ZC2HC1B: variants seen among roughly 807,000 people sequenced by gnomAD.
The protein encoded by ZC2HC1B is zinc finger C2HC-type containing 1B, also known as zinc finger C2HC domain-containing protein 1B.
In ZC2HC1B, 36 loss-of-function variants were observed where a neutral mutation model predicts 31.0. The observed-to-expected ratio is 1.16, with a 90% CI of 0.89 to 1.54. The LOEUF is 1.54. Among genes scored for constraint, ZC2HC1B ranks in the 40% most tolerant of loss-of-function variants. ZC2HC1B has a pLI of 0.00. For missense variants in ZC2HC1B, 260 were observed against 268.6 expected (o/e 0.97, Z 0.22); for synonymous variants, 73 against 88.0 (o/e 0.83, Z 0.95).
At chr6:143,876,158 C>G (rs1444657154) in intron 1 of ZC2HC1B, among the ~76,000 whole-genome samples, 2 of 150,616 alleles carry the variant, frequency 1.3e-5, no homozygotes, top group Non-Finnish European at 3.0e-5. Flanking sequence ...GGAGATAAGA[C>G]TCTCACTCAG....
chr6:143,884,215 AAGC>A lies in ZC2HC1B; in HGVS notation c.29-88_29-86del. ...GGAGGGAAAAGAGAGTGAGGATATC[AAGC>A]TATTGAGGTCACCTCCAGTCAGTCA... On this transcript the variant is annotated intron_variant, in intron 1 of 7. Coordinates refer to ENST00000237275, the MANE Select transcript of ZC2HC1B (RefSeq NM_001013623.3). This position sits in a 1 kb window ranked among gnomAD's most constrained non-coding sequence, Gnocchi z 5.1. The A allele has an allele frequency of 8.5e-7, 1 of 1,180,016 alleles. No individual in the cohort carries two copies. The highest frequency in any genetic ancestry group is 1.7e-5 in the South Asian group (1 of 59,408). The allele number at this position is 1,180,016 out of a possible 1,614,324, so 73.1% of individuals were successfully genotyped here.
chr6:143,926,552 G>C (rs1408334020), intron 6 of ZC2HC1B, among the ~76,000 whole-genome samples: 1 of 151,948 alleles, frequency 6.6e-6, no homozygotes, highest in Non-Finnish European at 1.5e-5. Context: ...ACTAGAGAAT[G>C]TTCCATGTGT....
At chr6:143,919,485 C>T (rs1386625597) in intron 6 of ZC2HC1B, among the ~76,000 whole-genome samples, 1 of 152,060 alleles carries the variant, frequency 6.6e-6, no homozygotes, top group Admixed American at 6.6e-5. Flanking sequence ...CTTTAAATCC[C>T]CTGGAAGTTA....
At chr6:143,900,074 G>A (rs187071050) in intron 5 of ZC2HC1B, among the ~76,000 whole-genome samples, 18 of 152,234 alleles carry the variant, frequency 1.2e-4, no homozygotes, top group South Asian at 2.1e-4. Context: ...TCTGGGGAGC[G>A]AAAGCATAGA....
chr6:143,890,816 C>T (rs1777591769), intron 4 of ZC2HC1B, among the ~76,000 whole-genome samples: 1 of 152,000 alleles, frequency 6.6e-6, no homozygotes, highest in Non-Finnish European at 1.5e-5. Flanking sequence ...GTTCTATATA[C>T]TAGGCATAAA....
rs1777242324 is a variant in ZC2HC1B at position 143,865,212 on chromosome 6, G to A, written c.28+645G>A. Among the ~76,000 whole-genome samples the A allele has an allele frequency of 6.6e-6, 1 of 152,094 alleles. No individual in the cohort carries two copies. The highest frequency in any genetic ancestry group is 6.6e-5 in the Admixed American group (1 of 15,262). ...CTAAAAATCTATAAATGATGATTGGGAACTGAACATAAAAGCTCCATGCTA... is the reference window on the plus strand; with the variant it reads ...CTAAAAATCTATAAATGATGATTGGAAACTGAACATAAAAGCTCCATGCTA... On this transcript the variant is annotated intron_variant, in intron 1 of 7. Coordinates refer to ENST00000237275, the MANE Select transcript of ZC2HC1B (RefSeq NM_001013623.3). This position sits in a 1 kb window ranked among gnomAD's most constrained non-coding sequence, Gnocchi z 4.4.
intron 1 of ZC2HC1B, among the ~76,000 whole-genome samples, chr6:143,866,255 C>T (rs553081981): frequency 9.2e-5 from 14 of 152,322 alleles, no homozygotes; most frequent in African/African-American, 2.4e-4. Flanking sequence ...GCCAAAAATG[C>T]ATTTACTACA....
chr6:143,895,431 G>A lies in ZC2HC1B; in HGVS notation c.350-3121G>A, dbSNP rs1288759749. Among the ~76,000 whole-genome samples the A allele has an allele frequency of 6.6e-6, 1 of 152,128 alleles. No homozygotes were observed. The highest frequency in any genetic ancestry group is 1.5e-5 in the Non-Finnish European group (1 of 68,018). On this transcript the variant is annotated intron_variant, in intron 4 of 7. Coordinates refer to ENST00000237275, the MANE Select transcript of ZC2HC1B (RefSeq NM_001013623.3). The surrounding 1 kb of genome is among the most constrained non-coding windows in gnomAD (Gnocchi z 4.8). The stretch of plus-strand genomic sequence containing the variant: ...ACATGCCTCGGCCTCCCAAAGTGCT[G>A]GGATTACAGGCATGAGCCACTGCAC...
Position 143,911,579 on chromosome 6 carries a change from A to G in ZC2HC1B, c.598+8427A>G, listed in dbSNP as rs1267813235. On this transcript the variant is annotated intron_variant, in intron 6 of 7. Transcript: ENST00000237275. This position sits in a 1 kb window ranked among gnomAD's most constrained non-coding sequence, Gnocchi z 4.5. ...TGGGTTGGAAATTCTTTTCTTTAAGAATGTTGAATTTTGGCCCCCAGTCTC... is the reference window on the plus strand; with the variant it reads ...TGGGTTGGAAATTCTTTTCTTTAAGGATGTTGAATTTTGGCCCCCAGTCTC... Among the ~76,000 whole-genome samples the G allele has an allele frequency of 6.6e-6, 1 of 152,094 alleles. No individual in the cohort carries two copies. The highest frequency in any genetic ancestry group is 1.5e-5 in the Non-Finnish European group (1 of 68,018).
intron 6 of ZC2HC1B, among the ~76,000 whole-genome samples, chr6:143,931,898 T>C (rs1177065727): frequency 6.6e-6 from 1 of 151,018 alleles, no homozygotes; most frequent in Non-Finnish European, 1.5e-5. Flanking sequence ...AGTTTCACTT[T>C]TGTTGCCCAA....
Position 143,922,010 on chromosome 6 carries a change from T to C in ZC2HC1B, c.599-15639T>C, listed in dbSNP as rs1562347423. Reference sequence around the variant, plus strand: ...AGTCACATATAATTTGGAGCCATTCTGGGGAGGAATTAGAAGCATACTGGG... The same window carrying C: ...AGTCACATATAATTTGGAGCCATTCCGGGGAGGAATTAGAAGCATACTGGG... On this transcript the variant is annotated intron_variant, in intron 6 of 7. Coordinates refer to ENST00000237275, the MANE Select transcript of ZC2HC1B (RefSeq NM_001013623.3). This position sits in a 1 kb window ranked among gnomAD's most constrained non-coding sequence, Gnocchi z 5.0. Among the ~76,000 whole-genome samples the C allele has an allele frequency of 6.6e-6, 1 of 152,236 alleles. No homozygotes were observed. The highest frequency in any genetic ancestry group is 1.5e-5 in the Non-Finnish European group (1 of 68,034).
At chr6:143,904,258 T>C (rs1200339856) in intron 6 of ZC2HC1B, among the ~76,000 whole-genome samples, 1 of 152,254 alleles carries the variant, frequency 6.6e-6, no homozygotes, top group Non-Finnish European at 1.5e-5. Context: ...TTAGGAATTC[T>C]CTATGTATTC....
chr6:143,894,414 A>G (rs537602263), intron 4 of ZC2HC1B, among the ~76,000 whole-genome samples: 1 of 152,318 alleles, frequency 6.6e-6, no homozygotes, highest in Admixed American at 6.5e-5. Flanking sequence ...AAATGGATAC[A>G]TTCGTCAAAA....
intron 6 of ZC2HC1B, among the ~76,000 whole-genome samples, chr6:143,937,378 G>A (rs530035120): frequency 5.2e-4 from 79 of 152,250 alleles, no homozygotes; most frequent in African/African-American, 1.7e-3. Context: ...TAAAGGGTGG[G>A]TCACTTGAGG....
At chr6:143,919,251 G>C (rs978212627) in intron 6 of ZC2HC1B, among the ~76,000 whole-genome samples, 1 of 151,284 alleles carries the variant, frequency 6.6e-6, no homozygotes, top group Non-Finnish European at 1.5e-5. Context: ...GTGTGTGTGT[G>C]TGTGTGTGTG....
intron 6 of ZC2HC1B, among the ~76,000 whole-genome samples, chr6:143,919,263 G>GTGTGTGTA (rs1777959439): frequency 7.0e-6 from 1 of 141,878 alleles, no homozygotes; most frequent in African/African-American, 2.6e-5. Flanking sequence ...GTGTGTGTGT[G>GTGTGTGTA]TGTATGTGAC....
At position 143,905,305 on chromosome 6, in the gene ZC2HC1B, A is replaced by G. The variant is rs925395017; in HGVS notation, c.598+2153A>G. ...ACCTCATTGCTTAAGTTCATTCCTA[A>G]GTGTTCTTTTTGATGTTATTGTAAA... On this transcript the variant is annotated intron_variant, in intron 6 of 7. Transcript: ENST00000237275. The surrounding 1 kb of genome is among the most constrained non-coding windows in gnomAD (Gnocchi z 4.2). 6.6e-6 allele frequency among the ~76,000 whole-genome samples: 1 copy of G among 152,054 alleles called. No individual in the cohort carries two copies. Among genetic ancestry groups the G allele is most frequent in the Non-Finnish European group, 1.5e-5 (1 of 67,982 alleles).
chr6:143,890,422 A>G (rs896387680), intron 4 of ZC2HC1B, among the ~76,000 whole-genome samples: 1 of 151,346 alleles, frequency 6.6e-6, no homozygotes, highest in Non-Finnish European at 1.5e-5. Flanking sequence ...AAAACTTCTC[A>G]GCAAGATAGA....
intron 4 of ZC2HC1B, among the ~76,000 whole-genome samples, chr6:143,892,614 A>G (rs945025658): frequency 6.6e-6 from 1 of 152,072 alleles, no homozygotes; most frequent in Non-Finnish European, 1.5e-5. Flanking sequence ...CTTCTTAACA[A>G]TAAGTTATGA....
Sources: gnomAD v4.1 joint callset for allele counts (sites outside exome capture counted in the v4.1 genomes callset) on GRCh38, gnomAD v4.1.1 for gene constraint, Gnocchi (gnomAD v3.1) non-coding constraint, MANE v1.5 for transcripts, NCBI Gene and HGNC (gene_info 2026-07-23, HGNC 2026-07-21) for gene names.